Variants in EIF2B1 observed in about 807,000 individuals in gnomAD.
The protein encoded by EIF2B1 is eukaryotic translation initiation factor 2B subunit alpha.
EIF2B1 carries 30 observed loss-of-function variants against 36.8 expected under a neutral mutation model. The ratio of observed to expected loss-of-function variants is 0.81; its 90% CI spans 0.61 to 1.10. EIF2B1 has a LOEUF of 1.10. Among genes scored for constraint, EIF2B1 ranks in the 50% least tolerant of loss-of-function variants. EIF2B1 has a pLI of 0.00. For synonymous variants in EIF2B1, 139 were observed against 142.2 expected (o/e 0.98, Z 0.16); for missense variants, 271 against 374.8 (o/e 0.72, Z 2.29).
Position 123,624,794 on chromosome 12 carries a change from A to G in EIF2B1, c.620T>C (p.Ile207Thr), listed in dbSNP as rs1955135826. ...GAGAACTGATGCTCTTACCTTGTTA[A>G]TAATTCCTCCGTTTTCAACAACTCC... ...AEGVVENGGI[I>T]NKIGTNQMAV... The change falls in exon 7 of 9, where the codon ATT becomes ACT. Residue 207 changes from isoleucine (I) to threonine (T), a missense_variant. Transcript: ENST00000424014. The G allele has an allele frequency of 6.2e-7, 1 of 1,613,878 alleles. No homozygotes were observed. The highest frequency in any genetic ancestry group is 1.3e-5 in the African/African-American group (1 of 74,916).
At position 123,630,156 on chromosome 12, in the gene EIF2B1, AT is replaced by A. The variant is rs755054824; in HGVS notation, c.369+12del. ...GTTGCTCCTCCTTACCACCATGATG[AT>A]TATCCACTCACCGCTCCATCTTTGA... On this transcript the variant is annotated intron_variant, in intron 4 of 8. Coordinates refer to ENST00000424014, the MANE Select transcript of EIF2B1 (RefSeq NM_001414.4). This position sits in a 1 kb window ranked among gnomAD's most constrained non-coding sequence, Gnocchi z 4.6. 4.3e-6 allele frequency: 7 copies of A among 1,611,330 alleles called. No homozygotes were observed. The highest frequency in any genetic ancestry group is 5.9e-6 in the Non-Finnish European group (7 of 1,177,934).
intron 6 of EIF2B1, among the ~76,000 whole-genome samples, chr12:123,625,575 A>T (rs1060637): frequency 0.3 from 45,122 of 152,140 alleles, 7,373 homozygotes; most frequent in Non-Finnish European, 0.38. Flanking sequence ...AATTCCTCAA[A>T]ATCCTTACTT....
chr12:123,624,443 A>G (rs986153124), intron 7 of EIF2B1, among the ~76,000 whole-genome samples: 1 of 152,002 alleles, frequency 6.6e-6, no homozygotes, highest in Non-Finnish European at 1.5e-5. Flanking sequence ...AATTTTTTGT[A>G]GAGACAGGGT....
chr12:123,633,400 T>C, intron 1 of EIF2B1, 145 bp downstream of exon 1: 1 of 1,249,504 alleles, frequency 8.0e-7, no homozygotes, highest in Non-Finnish European at 1.2e-6. Context: ...GCGAGGGATT[T>C]AGTTGTGACT....
intron 4 of EIF2B1, 64 bp from the exon 5 acceptor site, chr12:123,627,220 C>T: frequency 7.8e-7 from 1 of 1,277,324 alleles, no homozygotes. Context: ...ACCCTCTGCA[C>T]TGCGGCACGT....
Position 123,621,823 on chromosome 12 carries a change from A to T in EIF2B1, c.851T>A (p.Leu284Gln). 6 of 1,614,112 alleles carry T rather than the reference A, an allele frequency of 3.7e-6. No homozygotes were observed. The highest frequency in any genetic ancestry group is 5.1e-6 in the Non-Finnish European group (6 of 1,180,034). Reference sequence around the variant, plus strand: ...TGTCAGCACGCCCAGGTCTGTAAACAGCAGAGTGATTAAGGAAGGGGCAGT... The same window carrying T: ...TGTCAGCACGCCCAGGTCTGTAAACTGCAGAGTGATTAAGGAAGGGGCAGT... ...DYTAPSLITL[L>Q]FTDLGVLTPS... The change falls in exon 9 of 9, where the codon CTG (leucine) becomes CAG (glutamine). Residue 284 changes from leucine (L) to glutamine (Q), a missense_variant. Leu to Gln is a moderately radical substitution (Grantham distance 113). Coordinates refer to ENST00000424014, the MANE Select transcript of EIF2B1 (RefSeq NM_001414.4).
At position 123,626,686 on chromosome 12, in the gene EIF2B1, A is replaced by G. The variant is rs1435630238; in HGVS notation, c.483-193T>C. On this transcript the variant is annotated intron_variant, in intron 5 of 8. Transcript: ENST00000424014. ...TAGAAAGAAGTATTTTTGGAAAACT[A>G]TACTCTTAGACTCTGGGTAAGAGAT... 8.6e-6 allele frequency: 6 copies of G among 698,552 alleles called. No individual in the cohort carries two copies. The African/African-American group carries it at 8.9e-5, about 10-fold the overall frequency. 43.3% of individuals were successfully genotyped at this position (698,552 alleles called of 1,614,324 possible). A position where few individuals can be genotyped will look rare whatever the true frequency, so the allele number is the denominator to read the frequency against.
At chr12:123,622,832 C>T (rs545873578) in intron 7 of EIF2B1, 71 bp from the exon 8 acceptor site, 41 of 1,602,626 alleles carry the variant, frequency 2.6e-5, no homozygotes, top group African/African-American at 2.3e-4. Flanking sequence ...AAAAGCGGGC[C>T]GGGCACAGTG....
At chr12:123,631,459 G>A (rs1955185892) in intron 2 of EIF2B1, among the ~76,000 whole-genome samples, 1 of 151,772 alleles carries the variant, frequency 6.6e-6, no homozygotes, top group Non-Finnish European at 1.5e-5. Context: ...GATCACCTGA[G>A]GCTAGGAGTT....
chr12:123,633,656 G>T lies in EIF2B1; in HGVS notation c.-99C>A. ...CGCCTGCGAGCCAGTCTGACAGCGC[G>T]CTGCACACCTCCGCACCCCACTTCC... On this transcript the variant is annotated 5_prime_UTR_variant, in exon 1 of 9. Transcript: ENST00000424014. 6.4e-7 allele frequency: 1 copy of T among 1,558,002 alleles called. No homozygotes were observed. Among genetic ancestry groups the T allele is most frequent in the South Asian group, 1.1e-5 (1 of 90,024 alleles).
chr12:123,628,568 T>G (rs1183073056), intron 4 of EIF2B1, among the ~76,000 whole-genome samples: 3 of 152,076 alleles, frequency 2.0e-5, no homozygotes, highest in Admixed American at 1.3e-4. Flanking sequence ...TTTGCCATGT[T>G]GCCCGGGCTG....
chr12:123,632,458 GA>G lies in EIF2B1; in HGVS notation c.14-13del. On this transcript the variant is annotated splice_polypyrimidine_tract_variant and intron_variant, in intron 1 of 8. Transcript: ENST00000424014. ...GTATTCAATTAACTCTGGAAAAAGG[GA>G]AAAAAGTGATTCACCTAATTCATTT... is the stretch of plus-strand genomic sequence containing the variant. 6.3e-7 allele frequency: 1 copy of G among 1,575,790 alleles called. No individual in the cohort carries two copies.
rs751503002 is a variant in EIF2B1, at chr12:123,627,049, C to G, written c.477G>C (p.Leu159Phe). ...SVYVTESQPD[L>F]SGKKMAKALC... ...CTGAACAGAAAGGTACTTGCCCTGA[C>G]AAATCAGGCTGTGACTCTGTGACGT... Residue 159 changes from leucine (L) to phenylalanine (F), a missense_variant, in exon 5 of 9, where the codon TTG becomes TTC. Leu to Phe is a conservative substitution (Grantham distance 22). Coordinates refer to ENST00000424014, the MANE Select transcript of EIF2B1 (RefSeq NM_001414.4). The G allele has an allele frequency of 6.2e-7, 1 of 1,614,122 alleles. No homozygotes were observed. The highest frequency in any genetic ancestry group is 8.5e-7 in the Non-Finnish European group (1 of 1,179,966).
intron 2 of EIF2B1, among the ~76,000 whole-genome samples, chr12:123,631,633 C>T (rs976148827): frequency 7.9e-5 from 12 of 151,790 alleles, no homozygotes; most frequent in African/African-American, 2.9e-4. Flanking sequence ...AAAGTGAAAC[C>T]CCGTCTCTAC....
At position 123,632,270 on chromosome 12, in the gene EIF2B1, T is replaced by TAAA. The variant is rs373001833; in HGVS notation, c.115+72_115+74dup. 1,042 of 761,922 alleles carry TAAA rather than the reference T, an allele frequency of 1.4e-3. 3 individuals are homozygous for TAAA. Among genetic ancestry groups the TAAA allele is most frequent in the Non-Finnish European group, 1.6e-3 (759 of 486,110 alleles). The allele number at this position is 761,922 out of a possible 1,614,324, so 47.2% of individuals were successfully genotyped here. ...GTGACAGAGTGAGGCTCCGTCTCTTTAAAAAAAAAAAAAAAGAAAAGAAAA... is the reference window on the plus strand; with the variant it reads ...GTGACAGAGTGAGGCTCCGTCTCTTTAAAAAAAAAAAAAAAAAAGAAAAGAAAA... On this transcript the variant is annotated intron_variant, in intron 2 of 8. Coordinates refer to ENST00000424014, the MANE Select transcript of EIF2B1 (RefSeq NM_001414.4).
At position 123,630,533 on chromosome 12, in the gene EIF2B1, C is replaced by T; in HGVS notation, c.116G>A (p.Gly39Glu). 6.2e-7 allele frequency: 1 copy of T among 1,612,060 alleles called. No individual in the cohort carries two copies. Among genetic ancestry groups the T allele is most frequent in the Non-Finnish European group, 8.5e-7 (1 of 1,179,896 alleles). ...CGCCCTCAGACCCTGGATTGTCTCC[C>T]CTGGAATGATCCAACAAGGAATGTG... ...TLLEFLKRDKGETIQGLRANL... is the reference protein window; with the variant it reads ...TLLEFLKRDKEETIQGLRANL... The change falls in exon 3 of 9, where the codon GGG becomes GAG. Residue 39 changes from glycine to glutamate, a missense_variant and splice_region_variant. Transcript: ENST00000424014. The surrounding 1 kb of genome is among the most constrained non-coding windows in gnomAD (Gnocchi z 4.6).
intron 6 of EIF2B1, chr12:123,625,978 A>T (rs1955145311): frequency 5.1e-6 from 1 of 195,710 alleles, no homozygotes; most frequent in Admixed American, 5.3e-5. Flanking sequence ...TAAAAATATA[A>T]AAGAATTAAC....
At chr12:123,623,784 T>C (rs1033578168) in intron 7 of EIF2B1, among the ~76,000 whole-genome samples, 3 of 152,156 alleles carry the variant, frequency 2.0e-5, no homozygotes, top group African/African-American at 7.2e-5. Flanking sequence ...TTATGTTACA[T>C]ATATTTTAAC....
In EIF2B1 at chr12:123,633,631, C is replaced by A. The variant is rs974878405; in HGVS notation, c.-74G>T. 7.5e-6 allele frequency: 12 copies of A among 1,593,416 alleles called. No homozygotes were observed. The highest frequency in any genetic ancestry group is 1.0e-5 in the Non-Finnish European group (12 of 1,175,852). On this transcript the variant is annotated 5_prime_UTR_variant, in exon 1 of 9. Transcript: ENST00000424014. ...TCTCGAACGGGTCCGCCGGCCGCGC[C>A]GCCTGCGAGCCAGTCTGACAGCGCG...
Sources: allele counts gnomAD v4.1 joint callset (sites outside exome capture counted in the v4.1 genomes callset), GRCh38; gene constraint gnomAD v4.1.1; non-coding constraint Gnocchi (gnomAD v3.1); transcripts MANE v1.5; gene names NCBI Gene and HGNC (gene_info 2026-07-23, HGNC 2026-07-21).